ANK2: variants seen among roughly 807,000 people sequenced by gnomAD.
ANK2 encodes ankyrin-2.
ANK2 carries 83 observed loss-of-function variants against 360.5 expected under a neutral mutation model. The ratio of observed to expected loss-of-function variants is 0.23; its 90% CI spans 0.19 to 0.28. ANK2 has a LOEUF of 0.28. Ranked by LOEUF, ANK2 falls within the 10% of genes least tolerant of loss-of-function variation. The probability of loss-of-function intolerance (pLI) is 1.00; values close to 1 mark genes in which losing one functional copy is unlikely to be tolerated. For missense variants in ANK2, 4,201 were observed against 4,795.7 expected (o/e 0.88, Z 3.66); for synonymous variants, 1,740 against 1,759.5 (o/e 0.99, Z 0.28).
At chr4:113,257,986 A>T in intron 11 of ANK2, 64 bp from the exon 12 acceptor site, 10 of 1,389,296 alleles carry the variant, frequency 7.2e-6, no homozygotes, top group South Asian at 1.2e-5. Flanking sequence ...GCAATGTGCC[A>T]GCATGGAGTT....
intron 2 of ANK2, among the ~76,000 whole-genome samples, chr4:113,007,948 A>G (rs1432134335): frequency 1.3e-5 from 2 of 152,154 alleles, no homozygotes; most frequent in Non-Finnish European, 2.9e-5. Context: ...ACTCCAAACT[A>G]GTGAACTCAA....
intron 43 of ANK2, among the ~76,000 whole-genome samples, chr4:113,370,439 G>A (rs1415468321): frequency 6.6e-6 from 1 of 152,090 alleles, no homozygotes; most frequent in African/African-American, 2.4e-5. Context: ...TTTTAAAATT[G>A]TGAAAAGGGG....
At chr4:113,051,970 T>C (rs2067254760) in intron 1 of ANK2, among the ~76,000 whole-genome samples, 1 of 152,208 alleles carries the variant, frequency 6.6e-6, no homozygotes, top group African/African-American at 2.4e-5. Flanking sequence ...GTTTATACTT[T>C]TGAGAGAGGC....
rs571811377 is a variant in ANK2 at position 113,376,495 on chromosome 4, G to A, written c.11859+3046G>A. 1.5e-3 allele frequency among the ~76,000 whole-genome samples: 222 copies of A among 152,282 alleles called. 2 individuals carry two copies. Among genetic ancestry groups the A allele is most frequent in the African/African-American group, 6.5e-4 (27 of 41,562 alleles). On this transcript the variant is annotated intron_variant, in intron 45 of 45. Transcript: ENST00000357077. Reference sequence around the variant, plus strand: ...GTGAGAGAATGTGAAAGCCTAGGACGTTATTATACACTACAGTAGACTTTA... The same window carrying A: ...GTGAGAGAATGTGAAAGCCTAGGACATTATTATACACTACAGTAGACTTTA...
At chr4:113,245,144 C>T (rs1240662173) in intron 9 of ANK2, among the ~76,000 whole-genome samples, 1 of 152,028 alleles carries the variant, frequency 6.6e-6, no homozygotes, top group Non-Finnish European at 1.5e-5. Context: ...ATTTTAAAAG[C>T]ATTGTTGGGT....
chr4:113,383,246 G>A lies in ANK2; in HGVS notation c.*1775G>A, dbSNP rs2097198576. On this transcript the variant is annotated 3_prime_UTR_variant, in exon 46 of 46. Transcript: ENST00000357077. ...ATGGCACTTCATCATTTAAAGTAAT[G>A]TTGCCAAGAGAAAAAATTTCCTGGG... 6.6e-6 allele frequency: 1 copy of A among 152,542 alleles called. No homozygotes were observed. The highest frequency in any genetic ancestry group is 1.5e-5 in the Non-Finnish European group (1 of 68,024). The allele number at this position is 152,542 out of a possible 1,614,324, so 9.4% of individuals were successfully genotyped here.
chr4:113,015,583 A>G (rs2056382953), intron 2 of ANK2, among the ~76,000 whole-genome samples: 1 of 152,202 alleles, frequency 6.6e-6, no homozygotes, highest in Non-Finnish European at 1.5e-5. Flanking sequence ...ATTCAACTTA[A>G]TGAATAACGA....
At chr4:113,363,763 A>C (rs2096373329) in intron 40 of ANK2, among the ~76,000 whole-genome samples, 1 of 152,060 alleles carries the variant, frequency 6.6e-6, no homozygotes, top group South Asian at 2.1e-4. Flanking sequence ...TGTGCACATC[A>C]GTTTCACTGG....
chr4:112,935,826 G>C (rs2093673904), intron 2 of ANK2, among the ~76,000 whole-genome samples: 1 of 150,086 alleles, frequency 6.7e-6, no homozygotes. Context: ...CTGGGCAAAA[G>C]ACTGAGACCT....
rs1240984926 is a variant in ANK2 at position 113,353,477 on chromosome 4, G to T, written c.4859G>T (p.Arg1620Ile). The T allele has an allele frequency of 6.2e-7, 1 of 1,613,940 alleles. No individual in the cohort carries two copies. The highest frequency in any genetic ancestry group is 2.2e-5 in the East Asian group (1 of 44,878). Reference sequence around the variant, plus strand: ...ACTGAATATCCATGTGTAGAAGTTAGAATAGATAAAGAGATCAAAGGAAAA... The same window carrying T: ...ACTGAATATCCATGTGTAGAAGTTATAATAGATAAAGAGATCAAAGGAAAA... ...EITEYPCVEV[R>I]IDKEIKGKVE... is the part of the protein sequence containing the mutation. The change falls in exon 38 of 46, where the codon AGA (arginine) becomes ATA (isoleucine). Residue 1620 changes from arginine to isoleucine, a missense_variant. Arg to Ile is a moderately conservative substitution (Grantham distance 97). Coordinates refer to ENST00000357077, the MANE Select transcript of ANK2 (RefSeq NM_001148.6).
intron 35 of ANK2, among the ~76,000 whole-genome samples, chr4:113,346,775 A>G (rs1012388965): frequency 6.6e-6 from 1 of 152,204 alleles, no homozygotes; most frequent in African/African-American, 2.4e-5. Context: ...AAGGAGAAAT[A>G]CATTAATTTC....
chr4:112,832,997 A>T (rs2060132687), intron 1 of ANK2, among the ~76,000 whole-genome samples: 1 of 152,220 alleles, frequency 6.6e-6, no homozygotes, highest in Admixed American at 6.5e-5. Flanking sequence ...AGCTAGTACA[A>T]GTAGGTTGGA....
intron 1 of ANK2, chr4:113,117,360 A>C: frequency 2.2e-6 from 1 of 456,260 alleles, no homozygotes; most frequent in South Asian, 1.5e-5. Context: ...AAAAATCTTG[A>C]GAGAGACAGA....
Position 113,211,643 on chromosome 4 carries a change from A to T in ANK2, c.384+12534A>T, listed in dbSNP as rs573434494. On this transcript the variant is annotated intron_variant, in intron 4 of 45. Transcript: ENST00000357077. ...ACATTCTTCACATATTATACTCTTA[A>T]CTAAATCACTTCAGTGTATAACTGG... Among the ~76,000 whole-genome samples the T allele has an allele frequency of 2.0e-5, 3 of 152,260 alleles. No homozygotes were observed. The East Asian group carries it at 5.8e-4, about 29-fold the overall frequency.
Position 113,381,460 on chromosome 4 carries a change from A to G in ANK2, c.11863A>G (p.Asn3955Asp), listed in dbSNP as rs1060501165. The G allele has an allele frequency of 6.2e-7, 1 of 1,614,176 alleles. No homozygotes were observed. The highest frequency in any genetic ancestry group is 8.5e-7 in the Non-Finnish European group (1 of 1,180,028). ...LKSDTEQSED[N>D]NE ...TCTCTTGTCTGCTTTTCTCCAGGAC[A>G]ACAATGAGTAAAGCCATCACACAGA... The change falls in exon 46 of 46, where the codon AAC becomes GAC. Residue 3955 changes from asparagine to aspartate, a missense_variant. Transcript: ENST00000357077.
At chr4:112,784,407 G>T in the ANK2 span, among the ~76,000 whole-genome samples, 1 of 145,428 alleles carries the variant, frequency 6.9e-6, no homozygotes, top group East Asian at 2.1e-4. Context: ...GCCCAGGCCG[G>T]AGTGCAGTGG....
chr4:112,825,670 A>G (rs1370072796), intron 1 of ANK2, among the ~76,000 whole-genome samples: 1 of 152,204 alleles, frequency 6.6e-6, no homozygotes, highest in Non-Finnish European at 1.5e-5. Flanking sequence ...AAAATCATAA[A>G]CCAAATTCAC....
At chr4:112,944,586 C>G (rs558384208) in intron 2 of ANK2, among the ~76,000 whole-genome samples, 1 of 152,270 alleles carries the variant, frequency 6.6e-6, no homozygotes, top group South Asian at 2.1e-4. Context: ...TGTCCCACCC[C>G]CCTTCCCCAT....
intron 45 of ANK2, among the ~76,000 whole-genome samples, chr4:113,380,988 T>C (rs2097152452): frequency 6.6e-6 from 1 of 152,168 alleles, no homozygotes; most frequent in Non-Finnish European, 1.5e-5. Context: ...TTGGGAAGTT[T>C]GGGTCAGGGT....
Sources: gnomAD v4.1 joint callset for allele counts (sites outside exome capture counted in the v4.1 genomes callset) on GRCh38, gnomAD v4.1.1 for gene constraint, MANE v1.5 for transcripts, NCBI Gene and HGNC (gene_info 2026-07-23, HGNC 2026-07-21) for gene names.